SH2B3: variants seen among roughly 807,000 people sequenced by gnomAD.
SH2B3 encodes the protein SH2B adaptor protein 3, also known as SH2B adapter protein 3.
In SH2B3, 43 loss-of-function variants were observed where a neutral mutation model predicts 51.9. The ratio of observed to expected loss-of-function variants is 0.83; its 90% CI spans 0.65 to 1.07. The LOEUF (loss-of-function observed/expected upper bound fraction) is 1.07, where lower values mean the gene tolerates loss of function less well. SH2B3 is among the 50% of genes least tolerant of loss of function. SH2B3 has a pLI of 0.00. For synonymous variants in SH2B3, 396 were observed against 376.0 expected (o/e 1.05, Z -0.62); for missense variants, 952 against 834.3 (o/e 1.14, Z -1.74).
chr12:111,423,409 G>T (rs942057418), intron 2 of SH2B3, among the ~76,000 whole-genome samples: 5 of 151,906 alleles, frequency 3.3e-5, no homozygotes, highest in Admixed American at 6.6e-5. Context: ...TTGCTCTGTT[G>T]CCCAGGCTGG....
At chr12:111,430,249 G>GGGGT (rs1872360836) in intron 2 of SH2B3, among the ~76,000 whole-genome samples, 1 of 152,220 alleles carries the variant, frequency 6.6e-6, no homozygotes, top group Non-Finnish European at 1.5e-5. Flanking sequence ...CGCCCCATCT[G>GGGGT]CCCCCTTATT....
chr12:111,421,074 C>G (rs1019978093), intron 2 of SH2B3, among the ~76,000 whole-genome samples: 2 of 152,194 alleles, frequency 1.3e-5, no homozygotes, highest in Non-Finnish European at 2.9e-5. Context: ...CCTCTTATCA[C>G]CACAGGTTCG....
chr12:111,418,496 G>A lies in SH2B3; in HGVS notation c.351G>A (p.Lys117=), dbSNP rs747175187. ...GCCCCGCCGCCCCTGGCCTGCCCAA[G>A]GCCCGCAGCTCTGAGGAGCTGGCCC... is the stretch of plus-strand genomic sequence containing the variant. ...GPGPAAPGLP[K]ARSSEELAPP... is the part of the protein sequence containing the mutation. Residue 117 remains lysine (K), a synonymous_variant, in exon 2 of 8, where the codon AAG becomes AAA. Coordinates refer to ENST00000341259, the MANE Select transcript of SH2B3 (RefSeq NM_005475.3). This position sits in a 1 kb window ranked among gnomAD's most constrained non-coding sequence, Gnocchi z 6.7. The A allele has an allele frequency of 1.2e-5, 16 of 1,375,118 alleles. No homozygotes were observed. In the South Asian group the frequency reaches 1.6e-4, roughly 14 times the overall value. The allele number at this position is 1,375,118 out of a possible 1,614,324, so 85.2% of individuals were successfully genotyped here. A position where few individuals can be genotyped will look rare whatever the true frequency, so the allele number is the denominator to read the frequency against.
rs186304621 is a variant in SH2B3 at position 111,410,850 on chromosome 12, C to T, written c.-28+4573C>T. On this transcript the variant is annotated intron_variant, in intron 1 of 7. Coordinates refer to ENST00000341259, the MANE Select transcript of SH2B3 (RefSeq NM_005475.3). The surrounding 1 kb of genome is among the most constrained non-coding windows in gnomAD (Gnocchi z 4.9). Reference sequence around the variant, plus strand: ...GTGTGTGTCAGAATCCCACAACTCTCTGGGCCTCCTTAGGCCACAGGGTCT... The same window carrying T: ...GTGTGTGTCAGAATCCCACAACTCTTTGGGCCTCCTTAGGCCACAGGGTCT... Among the ~76,000 whole-genome samples the T allele has an allele frequency of 6.6e-6, 1 of 152,348 alleles. No individual in the cohort carries two copies. The highest frequency in any genetic ancestry group is 1.9e-4 in the East Asian group (1 of 5,182).
At position 111,438,531 on chromosome 12, in the gene SH2B3, C is replaced by T. The variant is rs73410504; in HGVS notation, c.733-8222C>T. Among the ~76,000 whole-genome samples, 77 of 152,274 alleles carry T rather than the reference C, an allele frequency of 5.1e-4. No homozygotes were observed. The highest frequency in any genetic ancestry group is 1.8e-3 in the African/African-American group (73 of 41,556). On this transcript the variant is annotated intron_variant, in intron 2 of 7. Coordinates refer to ENST00000341259, the MANE Select transcript of SH2B3 (RefSeq NM_005475.3). The surrounding 1 kb of genome is among the most constrained non-coding windows in gnomAD (Gnocchi z 4.2). ...AGGGGCAATCATCCCCTATGCCCCC[C>T]GTTACCCAGCACAAAGGATGCTTAG...
Position 111,418,294 on chromosome 12 carries a change from G to GGGAGCATCC in SH2B3, c.151_159dup (p.Glu51_Pro53dup), listed in dbSNP as rs2135547334. The GGGAGCATCC allele has an allele frequency of 7.2e-6, 11 of 1,535,360 alleles. No homozygotes were observed. The highest frequency in any genetic ancestry group is 9.6e-6 in the Non-Finnish European group (11 of 1,147,418). On this transcript the variant is annotated inframe_insertion, in exon 2 of 8. Coordinates refer to ENST00000341259, the MANE Select transcript of SH2B3 (RefSeq NM_005475.3). This position sits in a 1 kb window ranked among gnomAD's most constrained non-coding sequence, Gnocchi z 6.7. ...GCCCGCCAGTACTGGCTGTTCGCCC[G>GGGAGCATCC]GGAGCATCCGCAGCACGCGCCGCTG...
Position 111,422,433 on chromosome 12 carries a change from A to T in SH2B3, c.732+3556A>T, listed in dbSNP as rs565071937. The stretch of plus-strand genomic sequence containing the variant: ...CGGAATTTGGTCGTTTGTGAAGTAC[A>T]TGTTTTTATTGTCTGTCTAGCCTTT... On this transcript the variant is annotated intron_variant, in intron 2 of 7. Transcript: ENST00000341259. Among the ~76,000 whole-genome samples the T allele has an allele frequency of 2.6e-5, 4 of 152,174 alleles. No individual in the cohort carries two copies. The South Asian group carries it at 8.3e-4, about 32-fold the overall frequency.
chr12:111,423,977 T>G (rs543917234), intron 2 of SH2B3, among the ~76,000 whole-genome samples: 31 of 152,234 alleles, frequency 2.0e-4, no homozygotes, highest in Non-Finnish European at 4.0e-4. Flanking sequence ...CCTGGTGTGG[T>G]GGCACATGCC....
At position 111,446,775 on chromosome 12, in the gene SH2B3, C is replaced by T; in HGVS notation, c.755C>T (p.Ala252Val). The change falls in exon 3 of 8, where the codon GCA becomes GTA. Residue 252 changes from alanine to valine, a missense_variant. Transcript: ENST00000341259. ...TAGAGTTCAAGGCCCAAGCTACAAG[C>T]AGCTTGCTCCAGCATCCAGGAGGTC... ...PPKSSRPKLQ[A>V]ACSSIQEVRW... is the part of the protein sequence containing the mutation. The T allele has an allele frequency of 6.4e-7, 1 of 1,551,420 alleles. No homozygotes were observed. The highest frequency in any genetic ancestry group is 8.7e-7 in the Non-Finnish European group (1 of 1,146,298).
chr12:111,447,197 C>T lies in SH2B3; in HGVS notation c.999C>T (p.Gly333=). ...LEPSTSSSPR[G]STDSLNQGAS... ...CTAGCACGTCCAGCTCCCCAAGGGG[C>T]AGCACAGATTCCCTTAACCAAGGTG... The change falls in exon 5 of 8, where the codon GGC becomes GGT. Residue 333 remains glycine, a synonymous_variant. Coordinates refer to ENST00000341259, the MANE Select transcript of SH2B3 (RefSeq NM_005475.3). 1 of 1,613,150 alleles carries T rather than the reference C, an allele frequency of 6.2e-7. No homozygotes were observed. The highest frequency in any genetic ancestry group is 8.5e-7 in the Non-Finnish European group (1 of 1,179,048).
chr12:111,446,652 T>C, intron 2 of SH2B3, 101 bp from the exon 3 acceptor site: 1 of 664,136 alleles, frequency 1.5e-6, no homozygotes. Context: ...GGATACTCTC[T>C]CTAAAAGGGG....
rs1593028505 is a variant in SH2B3, at chr12:111,411,621, TG to T, written c.-28+5348del. ...ACCGACTTGGTGGCTCCAGGGTGCC[TG>T]GGGCTGGCTGTGCTTCTTGGGGAGC... On this transcript the variant is annotated intron_variant, in intron 1 of 7. Coordinates refer to ENST00000341259, the MANE Select transcript of SH2B3 (RefSeq NM_005475.3). Among the ~76,000 whole-genome samples the T allele has an allele frequency of 5.9e-5, 9 of 152,262 alleles. No homozygotes were observed. In the East Asian group the frequency reaches 1.7e-3, roughly 29 times the overall value.
chr12:111,419,942 C>T (rs1017078060), intron 2 of SH2B3, among the ~76,000 whole-genome samples: 4 of 152,308 alleles, frequency 2.6e-5, no homozygotes, highest in African/African-American at 9.6e-5. Flanking sequence ...TTGCTGATAG[C>T]CTTGGCAGTT....
Position 111,446,050 on chromosome 12 carries a change from T to C in SH2B3, c.733-703T>C, listed in dbSNP as rs1399980340. On this transcript the variant is annotated intron_variant, in intron 2 of 7. Coordinates refer to ENST00000341259, the MANE Select transcript of SH2B3 (RefSeq NM_005475.3). Reference sequence around the variant, plus strand: ...GGAGGGGGCCCAGTGGGGCCACTTCTGTCCATTCCTTATCTCATCTCTTTC... The same window carrying C: ...GGAGGGGGCCCAGTGGGGCCACTTCCGTCCATTCCTTATCTCATCTCTTTC... Among the ~76,000 whole-genome samples, 3 of 152,240 alleles carry C rather than the reference T, an allele frequency of 2.0e-5. No homozygotes were observed. In the East Asian group the frequency reaches 5.8e-4, roughly 29 times the overall value.
At chr12:111,441,245 G>A (rs1873382291) in intron 2 of SH2B3, among the ~76,000 whole-genome samples, 1 of 151,882 alleles carries the variant, frequency 6.6e-6, no homozygotes, top group Non-Finnish European at 1.5e-5. Context: ...ACATGTGGTG[G>A]CATGTGTCTG....
At chr12:111,440,962 A>C (rs1245350708) in intron 2 of SH2B3, among the ~76,000 whole-genome samples, 3 of 152,156 alleles carry the variant, frequency 2.0e-5, no homozygotes, top group Non-Finnish European at 4.4e-5. Flanking sequence ...CTATGCTCAT[A>C]TTCTCAGGGA....
chr12:111,413,747 T>C (rs192378434), intron 1 of SH2B3, among the ~76,000 whole-genome samples: 2 of 152,344 alleles, frequency 1.3e-5, no homozygotes, highest in East Asian at 1.9e-4. Flanking sequence ...GAGGCATTCA[T>C]TGAGCTCCTG....
At chr12:111,442,546 G>T (rs879914179) in intron 2 of SH2B3, among the ~76,000 whole-genome samples, 1 of 152,176 alleles carries the variant, frequency 6.6e-6, no homozygotes, top group Admixed American at 6.5e-5. Flanking sequence ...GGGGGTTCCC[G>T]GGGGTGGGCG....
chr12:111,423,617 G>A (rs537155027), intron 2 of SH2B3, among the ~76,000 whole-genome samples: 2 of 152,180 alleles, frequency 1.3e-5, no homozygotes, highest in South Asian at 2.1e-4. Context: ...TTATCTGCCC[G>A]CCTCAGCCTC....
Sources: allele counts gnomAD v4.1 joint callset (sites outside exome capture counted in the v4.1 genomes callset), GRCh38; gene constraint gnomAD v4.1.1; non-coding constraint Gnocchi (gnomAD v3.1); transcripts MANE v1.5; gene names NCBI Gene and HGNC (gene_info 2026-07-23, HGNC 2026-07-21).